Variants in ANAPC10 observed in about 807,000 individuals in gnomAD.
ANAPC10 encodes anaphase-promoting complex subunit 10.
Under a neutral mutation model 22.0 loss-of-function variants are expected in ANAPC10, and 12 were observed. That is an observed-to-expected ratio of 0.55 (90% CI 0.35 to 0.88). The LOEUF is 0.88. ANAPC10 is among the 40% of genes least tolerant of loss of function. The probability of loss-of-function intolerance (pLI) is 0.01; values close to 1 mark genes in which losing one functional copy is unlikely to be tolerated. For missense variants in ANAPC10, 188 were observed against 220.9 expected (o/e 0.85, Z 0.94); for synonymous variants, 65 against 69.5 (o/e 0.94, Z 0.32).
chr4:145,026,943 A>ATG (rs1474945651), intron 4 of ANAPC10, among the ~76,000 whole-genome samples: 102 of 25,774 alleles, frequency 4.0e-3, no homozygotes, highest in African/African-American at 0.012. Context: ...ATATATATAT[A>ATG]TATGTGTGTG....
At chr4:145,083,970 CT>C (rs920595579) in intron 2 of ANAPC10, among the ~76,000 whole-genome samples, 282 of 146,344 alleles carry the variant, frequency 1.9e-3, no homozygotes, top group African/African-American at 5.7e-3. Context: ...TATTACAGAT[CT>C]TTTTTTTTTT....
intron 4 of ANAPC10, among the ~76,000 whole-genome samples, chr4:145,056,586 A>ATCTTTCT (rs1325883948): frequency 6.6e-6 from 1 of 152,066 alleles, no homozygotes; most frequent in African/African-American, 2.4e-5. Context: ...TCCTTGTAAC[A>ATCTTTCT]TCTTTCTGGC....
chr4:145,038,558 C>G (rs979606421), intron 4 of ANAPC10, among the ~76,000 whole-genome samples: 1 of 151,586 alleles, frequency 6.6e-6, no homozygotes, highest in Admixed American at 6.6e-5. Context: ...GGCGCAATGG[C>G]TCATGCCTGT....
At chr4:144,995,971 C>T (rs1377165526) in intron 4 of ANAPC10, among the ~76,000 whole-genome samples, 1 of 152,196 alleles carries the variant, frequency 6.6e-6, no homozygotes, top group African/African-American at 2.4e-5. Flanking sequence ...TAGTATGTGC[C>T]TCCTCCATGA....
intron 2 of ANAPC10, among the ~76,000 whole-genome samples, chr4:145,094,383 T>A (rs779567111): frequency 6.6e-6 from 1 of 152,192 alleles, no homozygotes; most frequent in Non-Finnish European, 1.5e-5. Flanking sequence ...ATGATGGCAA[T>A]GTTATATATT....
At chr4:145,056,780 C>T (rs1043055158) in intron 4 of ANAPC10, among the ~76,000 whole-genome samples, 2 of 152,162 alleles carry the variant, frequency 1.3e-5, no homozygotes, top group African/African-American at 2.4e-5. Context: ...GGCTATATTC[C>T]CAGTATGTTT....
chr4:145,029,089 G>C (rs1737162581), intron 4 of ANAPC10, among the ~76,000 whole-genome samples: 1 of 152,136 alleles, frequency 6.6e-6, no homozygotes, highest in Non-Finnish European at 1.5e-5. Context: ...GATTGGAAAA[G>C]AATGGGACCC....
At chr4:145,067,479 G>A (rs553344526) in intron 3 of ANAPC10, among the ~76,000 whole-genome samples, 1 of 152,212 alleles carries the variant, frequency 6.6e-6, no homozygotes, top group East Asian at 1.9e-4. Context: ...CTTCTGGCAG[G>A]AACCAAACAT....
At chr4:145,054,604 AGTGTGTGTGT>A (rs70956823) in intron 4 of ANAPC10, among the ~76,000 whole-genome samples, 14,961 of 128,260 alleles carry the variant, frequency 0.12, 1,139 homozygotes, top group East Asian at 0.41. Context: ...CATACTGAAT[AGTGTGTGTGT>A]GTGTGTGTGT....
At chr4:145,043,854 T>C (rs1739886551) in intron 4 of ANAPC10, among the ~76,000 whole-genome samples, 1 of 152,094 alleles carries the variant, frequency 6.6e-6, no homozygotes, top group Admixed American at 6.6e-5. Context: ...TTTTTCCCTT[T>C]GAAAACCAAA....
intron 4 of ANAPC10, among the ~76,000 whole-genome samples, chr4:145,041,539 T>A (rs368046550): frequency 7.5e-4 from 115 of 152,346 alleles, no homozygotes; most frequent in African/African-American, 2.6e-3. Context: ...ATCAAGAAAC[T>A]CAGACATCGT....
chr4:145,050,544 C>A (rs1021598934), intron 4 of ANAPC10, among the ~76,000 whole-genome samples: 1 of 152,230 alleles, frequency 6.6e-6, no homozygotes, highest in Non-Finnish European at 1.5e-5. Context: ...CCTCTCTAAT[C>A]TTAGCTGGCA....
chr4:145,076,275 G>T (rs1317940816), intron 3 of ANAPC10, among the ~76,000 whole-genome samples: 1 of 152,172 alleles, frequency 6.6e-6, no homozygotes, highest in Admixed American at 6.5e-5. Context: ...AGAGAACAAG[G>T]TTTTGGGTCT....
intron 1 of ANAPC10, chr4:145,097,614 T>A: frequency 2.1e-6 from 2 of 972,998 alleles, no homozygotes; most frequent in Non-Finnish European, 2.8e-6. Context: ...GCCTGAGGCT[T>A]AAACGCTCAA....
At chr4:145,059,274 T>C (rs925558052) in intron 4 of ANAPC10, among the ~76,000 whole-genome samples, 12 of 152,118 alleles carry the variant, frequency 7.9e-5, no homozygotes, top group South Asian at 2.1e-4. Context: ...AGAACTGACA[T>C]ACTAACCACT....
At chr4:145,025,611 A>C (rs1046120461) in intron 4 of ANAPC10, among the ~76,000 whole-genome samples, 1 of 152,206 alleles carries the variant, frequency 6.6e-6, no homozygotes, top group Non-Finnish European at 1.5e-5. Context: ...CAATGACAAT[A>C]GTAGCATCAA....
Position 145,096,080 on chromosome 4 carries a change from G to T in ANAPC10, c.20C>A (p.Thr7Lys). 1 of 1,614,130 alleles carries T rather than the reference G, an allele frequency of 6.2e-7. No individual in the cohort carries two copies. The highest frequency in any genetic ancestry group is 8.5e-7 in the Non-Finnish European group (1 of 1,180,000). The change falls in exon 2 of 5, where the codon ACA becomes AAA. Residue 7 changes from threonine (T) to lysine (K), a missense_variant. Physicochemically the swap from Thr to Lys is moderately conservative, Grantham distance 78. Coordinates refer to ENST00000507656, the MANE Select transcript of ANAPC10 (RefSeq NM_001256706.2). Reference sequence around the variant, plus strand: ...CTGCTTGGGGTCAGCACCAGGAGGTGTCTTGTTTGGTGTAGTCATTTTTAA... The same window carrying T: ...CTGCTTGGGGTCAGCACCAGGAGGTTTCTTGTTTGGTGTAGTCATTTTTAA... MTTPNK[T>K]PPGADPKQLE...
chr4:145,035,508 C>G (rs1646209403), intron 4 of ANAPC10: 1 of 152,294 alleles, frequency 6.6e-6, no homozygotes, highest in South Asian at 2.1e-4. Context: ...AGGCCTACAA[C>G]TGACCCTCAT....
At chr4:145,044,695 T>C (rs2127159107) in intron 4 of ANAPC10, among the ~76,000 whole-genome samples, 1 of 152,194 alleles carries the variant, frequency 6.6e-6, no homozygotes, top group Non-Finnish European at 1.5e-5. Context: ...ATCATTCAAG[T>C]GGTACCGTTC....
Sources: allele counts gnomAD v4.1 joint callset (sites outside exome capture counted in the v4.1 genomes callset), GRCh38; gene constraint gnomAD v4.1.1; transcripts MANE v1.5; gene names NCBI Gene and HGNC (gene_info 2026-07-23, HGNC 2026-07-21).